RNF213: variants seen among roughly 807,000 people sequenced by gnomAD.
RNF213 encodes ring finger protein 213.
Under a neutral mutation model 514.4 loss-of-function variants are expected in RNF213, and 341 were observed. That is an observed-to-expected ratio of 0.66 (90% confidence interval 0.61 to 0.73). The LOEUF is 0.73. Among genes scored for constraint, RNF213 ranks in the 30% least tolerant of loss-of-function variants. The pLI is 0.00. For synonymous variants in RNF213, 2,655 were observed against 2,658.2 expected (o/e 1.00, Z 0.04); for missense variants, 5,767 against 6,615.6 (o/e 0.87, Z 4.45).
At chr17:80,388,551 A>T in intron 63 of RNF213, 61 bp from the exon 64 acceptor site, 1 of 1,130,496 alleles carries the variant, frequency 8.8e-7, no homozygotes, top group Non-Finnish European at 1.3e-6. Flanking sequence ...TCTGTTTGTC[A>T]TCTGCTGGAA....
rs555874591 is a variant in RNF213, at chr17:80,291,896, G to A, written c.1471+69G>A. ...AGGTGCCAATCCCGCGGTACTGGAC[G>A]CGTCTCTCTGGAGAGCACAGACTTT... On this transcript the variant is annotated intron_variant, in intron 8 of 67. Transcript: ENST00000582970. 104 of 1,535,706 alleles carry A rather than the reference G, an allele frequency of 6.8e-5. No homozygotes were observed. In the East Asian group the frequency reaches 1.6e-3, roughly 23 times the overall value.
intron 3 of RNF213, among the ~76,000 whole-genome samples, chr17:80,282,837 A>G (rs1162507584): frequency 6.6e-6 from 1 of 152,002 alleles, no homozygotes; most frequent in Non-Finnish European, 1.5e-5. Context: ...AGCTGGGATT[A>G]CAGGTGTGTG....
intron 44 of RNF213, among the ~76,000 whole-genome samples, chr17:80,368,371 A>T (rs2079365846): frequency 6.6e-6 from 1 of 152,146 alleles, no homozygotes; most frequent in South Asian, 2.1e-4. Flanking sequence ...AATTCAGAGG[A>T]ACTAAGCCAG....
chr17:80,374,364 G>A (rs1047399085), intron 49 of RNF213, 94 bp from the exon 50 acceptor site: 2 of 1,557,780 alleles, frequency 1.3e-6, no homozygotes, highest in East Asian at 2.3e-5. Flanking sequence ...TTTAAACCTC[G>A]AATGATCAAC....
chr17:80,306,413 G>A lies in RNF213; in HGVS notation c.2372G>A (p.Cys791Tyr). ...CGTTTTCCTGCTCATATCCTGGACT[G>A]TCTTTCAGGGATTTACTACCGGCTT... ...LGRFPAHILD[C>Y]LSGIYYRLPG... Residue 791 changes from cysteine (C) to tyrosine (Y), a missense_variant, in exon 12 of 68, where the codon TGT becomes TAT. Physicochemically the swap from Cys to Tyr is radical, Grantham distance 194. Around this residue, in one of 13 missense-constraint regions of RNF213, gnomAD observed 592 missense variants for 673.9 expected, o/e 0.88. Transcript: ENST00000582970. The A allele has an allele frequency of 6.2e-7, 1 of 1,614,180 alleles. No homozygotes were observed. Among genetic ancestry groups the A allele is most frequent in the Non-Finnish European group, 8.5e-7 (1 of 1,180,038 alleles).
chr17:80,333,795 A>G, intron 21 of RNF213: 2 of 337,444 alleles, frequency 5.9e-6, no homozygotes, highest in South Asian at 3.5e-5. Context: ...TTTATTGACA[A>G]AGCAGAAAAA....
Position 80,345,251 on chromosome 17 carries a change from G to A in RNF213, c.6916G>A (p.Val2306Ile), listed in dbSNP as rs769773606. 5 of 1,614,044 alleles carry A rather than the reference G, an allele frequency of 3.1e-6. No homozygotes were observed. Among genetic ancestry groups the A allele is most frequent in the South Asian group, 1.1e-5 (1 of 91,074 alleles). The change falls in exon 29 of 68, where the codon GTT (valine) becomes ATT (isoleucine). Residue 2306 changes from valine to isoleucine, a missense_variant. Val to Ile is a conservative substitution (Grantham distance 29). Around this residue, in one of 13 missense-constraint regions of RNF213, gnomAD observed 1,377 missense variants for 1,635.2 expected, o/e 0.84. Transcript: ENST00000582970. The surrounding 1 kb of genome is among the most constrained non-coding windows in gnomAD (Gnocchi z 6.0). ...KRWESEPHPY[V>I]FFNDDHTTMT... ...GTGGGAGTCGGAGCCTCACCCATAC[G>A]TTTTCTTCAATGACGACCACACAAC...
At chr17:80,318,404 C>G (rs1199189198) in intron 16 of RNF213, among the ~76,000 whole-genome samples, 1 of 152,152 alleles carries the variant, frequency 6.6e-6, no homozygotes, top group African/African-American at 2.4e-5. Flanking sequence ...CAATGGGGCC[C>G]CAGGCACAGG....
At chr17:80,290,440 CATGT>C (rs1598932767) in intron 6 of RNF213, 126 bp from the exon 7 acceptor site, 1 of 1,091,180 alleles carries the variant, frequency 9.2e-7, no homozygotes, top group South Asian at 1.3e-5. Flanking sequence ...CGCGTGTGTG[CATGT>C]GTGTGTGCGA....
At chr17:80,360,732 T>A (rs1406543558) in intron 38 of RNF213, among the ~76,000 whole-genome samples, 7 of 152,292 alleles carry the variant, frequency 4.6e-5, no homozygotes, top group African/African-American at 1.7e-4. Context: ...GCCAGAAGAT[T>A]TGCCCTAGTC....
rs761648722 is a variant in RNF213 at position 80,298,451 on chromosome 17, C to T, written c.2143C>T (p.Pro715Ser). 1.2e-6 allele frequency: 2 copies of T among 1,614,182 alleles called. No homozygotes were observed. Among genetic ancestry groups the T allele is most frequent in the Non-Finnish European group, 1.7e-6 (2 of 1,180,042 alleles). Reference protein sequence around the residue: ...APRHKDAWRQPEDTWAALEGL... With the variant: ...APRHKDAWRQSEDTWAALEGL... ...GCGGCACAAGGATGCCTGGAGACAG[C>T]CTGAGGACACCTGGGCCGCTCTGGA... Residue 715 changes from proline (P) to serine (S), a missense_variant, in exon 11 of 68, where the codon CCT becomes TCT. Pro to Ser is a moderately conservative substitution (Grantham distance 74). This residue lies in a region of RNF213 where 592 missense variants were observed against 673.9 expected (regional missense o/e 0.88). Coordinates refer to ENST00000582970, the MANE Select transcript of RNF213 (RefSeq NM_001256071.3).
chr17:80,340,720 A>G (rs1355443621), intron 26 of RNF213: 2 of 206,444 alleles, frequency 9.7e-6, no homozygotes, highest in African/African-American at 5.0e-5. Flanking sequence ...TTCTGGGTTC[A>G]AGCAATTATC....
chr17:80,368,675 C>T (rs1399515980), intron 44 of RNF213, among the ~76,000 whole-genome samples: 1 of 152,188 alleles, frequency 6.6e-6, no homozygotes, highest in African/African-American at 2.4e-5. Context: ...TCAGGTGATC[C>T]ACCCGCCTTG....
At chr17:80,300,800 C>A (rs2045150187) in intron 11 of RNF213, among the ~76,000 whole-genome samples, 1 of 152,114 alleles carries the variant, frequency 6.6e-6, no homozygotes, top group Non-Finnish European at 1.5e-5. Flanking sequence ...GATCCGCCCA[C>A]CTTGGCCTCC....
intron 3 of RNF213, among the ~76,000 whole-genome samples, chr17:80,274,517 C>T (rs75142558): frequency 3.9e-5 from 5 of 129,216 alleles, no homozygotes; most frequent in African/African-American, 1.2e-4. Context: ...TTCTGTCTGT[C>T]GTTCCTTGTA....
chr17:80,287,624 G>A (rs963336026), intron 3 of RNF213, among the ~76,000 whole-genome samples, 191 bp from the exon 4 acceptor site: 2 of 136,716 alleles, frequency 1.5e-5, no homozygotes, highest in African/African-American at 2.7e-5. Context: ...CACTTGCCCC[G>A]ACCCTGCCCA....
At chr17:80,380,256 AGAGT>A (rs2144587843) in intron 55 of RNF213, among the ~76,000 whole-genome samples, 1 of 152,310 alleles carries the variant, frequency 6.6e-6, no homozygotes, top group African/African-American at 2.4e-5. Flanking sequence ...CTCCTTTCAG[AGAGT>A]GAGTGGGACC....
rs765922110 is a variant in RNF213 at position 80,345,583 on chromosome 17, TATC to T, written c.7254_7256del (p.Ile2418del). The T allele has an allele frequency of 3.1e-6, 5 of 1,613,790 alleles. No homozygotes were observed. Among genetic ancestry groups the T allele is most frequent in the East Asian group, 2.2e-5 (1 of 44,872 alleles). ...TGCGGTTCCGGTGTGGGATCCCGGT[TATC>T]ATCATGGGAGAAACTGGCTGTGGGA... On this transcript the variant is annotated inframe_deletion, in exon 29 of 68. Coordinates refer to ENST00000582970, the MANE Select transcript of RNF213 (RefSeq NM_001256071.3). The surrounding 1 kb of genome is among the most constrained non-coding windows in gnomAD (Gnocchi z 6.0).
At chr17:80,379,254 T>C (rs2079887528) in intron 54 of RNF213, among the ~76,000 whole-genome samples, 1 of 152,206 alleles carries the variant, frequency 6.6e-6, no homozygotes, top group African/African-American at 2.4e-5. Context: ...GAAGCTCTTC[T>C]AGTATTCTTG....
Sources: gnomAD v4.1 joint callset for allele counts (sites outside exome capture counted in the v4.1 genomes callset) on GRCh38, gnomAD v4.1.1 for gene constraint, gnomAD v4.1.1 regional missense constraint, Gnocchi (gnomAD v3.1) non-coding constraint, MANE v1.5 for transcripts, NCBI Gene and HGNC (gene_info 2026-07-23, HGNC 2026-07-21) for gene names.